Variants in SFMBT1 observed in about 807,000 individuals in gnomAD.
SFMBT1 encodes scm-like with four MBT domains protein 1.
In SFMBT1, 32 loss-of-function variants were observed where a neutral mutation model predicts 108.7. The ratio of observed to expected loss-of-function variants is 0.29; its 90% CI spans 0.22 to 0.40. The LOEUF (loss-of-function observed/expected upper bound fraction) is 0.40, where lower values mean the gene tolerates loss of function less well. Ranked by LOEUF, SFMBT1 falls within the 10% of genes least tolerant of loss-of-function variation. SFMBT1 has a pLI of 1.00. For missense variants in SFMBT1, 816 were observed against 1,059.6 expected (o/e 0.77, Z 3.19); for synonymous variants, 348 against 369.5 (o/e 0.94, Z 0.67).
intron 1 of SFMBT1, among the ~76,000 whole-genome samples, chr3:53,022,470 AAAGCAAACAT>A (rs1458913698): frequency 2.6e-5 from 4 of 151,472 alleles, no homozygotes; most frequent in Non-Finnish European, 4.4e-5. Flanking sequence ...AAAAAAAAAA[AAAGCAAACAT>A]AAGACCCTGT....
chr3:52,983,244 T>G (rs1704782284), intron 1 of SFMBT1, among the ~76,000 whole-genome samples: 2 of 152,188 alleles, frequency 1.3e-5, no homozygotes, highest in African/African-American at 4.8e-5. Context: ...CCACTTCCAC[T>G]CAGTGAAGAG....
intron 1 of SFMBT1, among the ~76,000 whole-genome samples, chr3:52,992,035 C>T (rs911244043): frequency 5.4e-5 from 7 of 130,498 alleles, no homozygotes; most frequent in East Asian, 5.6e-4. Flanking sequence ...CCCACGACTA[C>T]CTTCTAGGAT....
chr3:53,030,683 C>CAAA (rs10668462), intron 1 of SFMBT1, among the ~76,000 whole-genome samples: 1,643 of 82,454 alleles, frequency 0.02, 53 homozygotes, highest in African/African-American at 0.031. Context: ...GGCCATAATG[C>CAAA]AAAAAAAAAA....
In SFMBT1 at chr3:52,943,709, G is replaced by A. The variant is rs1703268689; in HGVS notation, c.124-116C>T. 8.9e-6 allele frequency: 12 copies of A among 1,341,184 alleles called. 1 individual carries two copies. The highest frequency in any genetic ancestry group is 2.5e-5 in the South Asian group (2 of 79,234). The allele number at this position is 1,341,184 out of a possible 1,614,324, so 83.1% of individuals were successfully genotyped here. A position where few individuals can be genotyped will look rare whatever the true frequency, so the allele number is the denominator to read the frequency against. The stretch of plus-strand genomic sequence containing the variant: ...AGCACTAAATGCAATAACATCTCAA[G>A]GAAAGCCTGAGAAATTCCAATTCTA... On this transcript the variant is annotated intron_variant, in intron 3 of 20. Coordinates refer to ENST00000394752, the MANE Select transcript of SFMBT1 (RefSeq NM_016329.4).
At chr3:53,016,120 T>A (rs1391170177) in intron 1 of SFMBT1, among the ~76,000 whole-genome samples, 1 of 151,770 alleles carries the variant, frequency 6.6e-6, no homozygotes, top group Non-Finnish European at 1.5e-5. Flanking sequence ...ATTTCTAACA[T>A]TTAGAAAATA....
chr3:52,989,795 AAAAAAAAAG>A (rs2106893458), intron 1 of SFMBT1, among the ~76,000 whole-genome samples: 1 of 151,598 alleles, frequency 6.6e-6, no homozygotes, highest in Admixed American at 6.6e-5. Flanking sequence ...TCCATCTCAA[AAAAAAAAAG>A]AAAAAGAAAA....
chr3:53,032,772 T>C (rs933140911), intron 1 of SFMBT1, among the ~76,000 whole-genome samples: 6 of 152,160 alleles, frequency 3.9e-5, no homozygotes, highest in Non-Finnish European at 7.3e-5. Context: ...TTAGTAGAGA[T>C]GAGAAACACT....
chr3:52,947,738 T>G (rs1382734691), intron 3 of SFMBT1, among the ~76,000 whole-genome samples: 1 of 151,940 alleles, frequency 6.6e-6, no homozygotes, highest in Non-Finnish European at 1.5e-5. Flanking sequence ...ATATGTATTT[T>G]TTTTTTTTTT....
Position 53,037,771 on chromosome 3 carries a change from T to C in SFMBT1, c.-131+8045A>G, listed in dbSNP as rs1026442033. 2.6e-5 allele frequency among the ~76,000 whole-genome samples: 4 copies of C among 152,112 alleles called. No individual in the cohort carries two copies. In the South Asian group the frequency reaches 6.2e-4, roughly 24 times the overall value. On this transcript the variant is annotated intron_variant, in intron 1 of 20. Transcript: ENST00000394752. ...AGAGAATCACTTGAGGCCAGAAGTT[T>C]TGAGACCAGGTTGGACAACACTGAG...
intron 1 of SFMBT1, chr3:53,019,138 T>A (rs796107699): frequency 6.6e-6 from 1 of 152,058 alleles, no homozygotes; most frequent in Non-Finnish European, 1.5e-5. Flanking sequence ...GAAAAAAATT[T>A]TTTTAATTAA....
At chr3:52,931,825 G>A (rs1702867784) in intron 6 of SFMBT1, among the ~76,000 whole-genome samples, 1 of 152,068 alleles carries the variant, frequency 6.6e-6, no homozygotes, top group African/African-American at 2.4e-5. Context: ...GGGTAACAGA[G>A]CAAGACTCTG....
chr3:52,980,457 G>C (rs182154741), intron 1 of SFMBT1, among the ~76,000 whole-genome samples: 1 of 152,174 alleles, frequency 6.6e-6, no homozygotes, highest in African/African-American at 2.4e-5. Flanking sequence ...ATGATGCTTA[G>C]TGCAGTACTG....
chr3:53,045,267 TC>T, intron 1 of SFMBT1: 1 of 147,528 alleles, frequency 6.8e-6, no homozygotes, highest in African/African-American at 2.5e-5. Flanking sequence ...GCCCGGGCCC[TC>T]CGAAGTTCCG....
intron 4 of SFMBT1, among the ~76,000 whole-genome samples, chr3:52,936,647 C>T (rs1703016286): frequency 6.6e-6 from 1 of 152,126 alleles, no homozygotes; most frequent in Admixed American, 6.6e-5. Context: ...CAGGACTCAG[C>T]TACTTCTGCA....
chr3:52,989,704 G>T lies in SFMBT1; in HGVS notation c.-130-20446C>A, dbSNP rs1705054390. 2.0e-5 allele frequency among the ~76,000 whole-genome samples: 3 copies of T among 150,902 alleles called. No homozygotes were observed. The Admixed American group carries it at 2.0e-4, about 10-fold the overall frequency. ...GTCCCAGCTACTTGGGAGGCTGGGA[G>T]AATTGCTTGAACCTGGGAGACAGAG... On this transcript the variant is annotated intron_variant, in intron 1 of 20. Coordinates refer to ENST00000394752, the MANE Select transcript of SFMBT1 (RefSeq NM_016329.4).
chr3:53,014,498 A>G (rs1699062896), intron 1 of SFMBT1, among the ~76,000 whole-genome samples: 1 of 151,582 alleles, frequency 6.6e-6, no homozygotes, highest in African/African-American at 2.4e-5. Context: ...AAACAAAACA[A>G]AACAAAACAA....
intron 1 of SFMBT1, among the ~76,000 whole-genome samples, chr3:53,031,081 A>G (rs1699669167): frequency 6.6e-6 from 1 of 152,176 alleles, no homozygotes; most frequent in Admixed American, 6.5e-5. Context: ...GACTCTGTAG[A>G]TGGCTCCTCC....
chr3:53,017,495 G>C (rs1575441349), intron 1 of SFMBT1, among the ~76,000 whole-genome samples: 1 of 152,144 alleles, frequency 6.6e-6, no homozygotes, highest in African/African-American at 2.4e-5. Context: ...GGGGTTTATA[G>C]GCTAATCAGA....
intron 1 of SFMBT1, among the ~76,000 whole-genome samples, chr3:52,996,507 C>T (rs1226171258): frequency 1.3e-5 from 2 of 149,998 alleles, no homozygotes; most frequent in African/African-American, 4.9e-5. Flanking sequence ...GGCACCACAC[C>T]CGGACAATAA....
Sources: gnomAD v4.1 joint callset for allele counts (sites outside exome capture counted in the v4.1 genomes callset) on GRCh38, gnomAD v4.1.1 for gene constraint, MANE v1.5 for transcripts, NCBI Gene and HGNC (gene_info 2026-07-23, HGNC 2026-07-21) for gene names.